The following DNAH8 variants were observed in gnomAD, a reference collection of about 807,000 sequenced individuals.
DNAH8 encodes axonemal beta dynein heavy chain 8.
DNAH8 carries 382 observed loss-of-function variants against 562.1 expected under a neutral mutation model. The ratio of observed to expected loss-of-function variants is 0.68; its 90% CI spans 0.63 to 0.74. The LOEUF (loss-of-function observed/expected upper bound fraction) is 0.74. Ranked by LOEUF, DNAH8 falls within the 30% of genes least tolerant of loss-of-function variation. The pLI is 0.00. For synonymous variants in DNAH8, 1,881 were observed against 1,919.4 expected, an observed-to-expected ratio of 0.98 and a Z score of 0.52; for missense variants, 5,203 against 5,620.4, an observed-to-expected ratio of 0.93 and a Z score of 2.37.
intron 4 of DNAH8, among the ~76,000 whole-genome samples, chr6:38,734,023 C>T (rs1763875631): frequency 6.6e-6 from 1 of 151,684 alleles, no homozygotes; most frequent in African/African-American, 2.4e-5. Context: ...GTGGCTCACA[C>T]CTGTAATCCC....
At chr6:38,716,150 A>G (rs1762326654) in intron 1 of DNAH8, among the ~76,000 whole-genome samples, 1 of 149,940 alleles carries the variant, frequency 6.7e-6, no homozygotes, top group South Asian at 2.1e-4. Context: ...TTCAGTGGAG[A>G]CGGGGTTTCA....
chr6:38,924,108 A>G lies in DNAH8; in HGVS notation c.10908A>G (p.Lys3636=). ...DQWEMELRAR[K]IPFTENLNLI... ...GGGAAATGGAGTTGAGAGCACGGAAAATTCCTTTCACAGAAAACCTGAATC... is the reference window on the plus strand; with the variant it reads ...GGGAAATGGAGTTGAGAGCACGGAAGATTCCTTTCACAGAAAACCTGAATC... Residue 3636 remains lysine, a synonymous_variant, in exon 73 of 93, where the codon AAA becomes AAG. Transcript: ENST00000327475. The G allele has an allele frequency of 6.2e-7, 1 of 1,613,986 alleles. No individual in the cohort carries two copies.
chr6:38,759,211 G>A lies in DNAH8; in HGVS notation c.1516-2491G>A, dbSNP rs191869309. 3.3e-3 allele frequency among the ~76,000 whole-genome samples: 508 copies of A among 152,170 alleles called. 2 individuals are homozygous for A. Among genetic ancestry groups the A allele is most frequent in the African/African-American group, 0.011 (466 of 41,524 alleles). On this transcript the variant is annotated intron_variant, in intron 10 of 92. Coordinates refer to ENST00000327475, the MANE Select transcript of DNAH8 (RefSeq NM_001206927.2). ...TAGTCCTAGCTATTCCAGAGGCTGA[G>A]GCAGGAGGATCCCTTGAGCCTGGGA...
intron 66 of DNAH8, among the ~76,000 whole-genome samples, chr6:38,911,817 C>T (rs944358854): frequency 6.6e-5 from 10 of 152,208 alleles, no homozygotes; most frequent in Non-Finnish European, 1.5e-4. Context: ...TCTCCTGGCT[C>T]TTTCAACTCT....
rs10709081 is a variant in DNAH8, at chr6:38,790,015, GT to G, written c.2664+144del. 165,957 of 548,612 alleles carry G rather than the reference GT, an allele frequency of 0.3. 10,211 individuals carry two copies. Among genetic ancestry groups the G allele is most frequent in the South Asian group, 0.33 (11,142 of 33,624 alleles). The allele number at this position is 548,612 out of a possible 1,614,324, so 34.0% of individuals were successfully genotyped here. On this transcript the variant is annotated intron_variant, in intron 19 of 92. Transcript: ENST00000327475. ...CTTTCTAGTTCAATTTTATAGCTCT[GT>G]TTTTTTTTTTTCTGCAGAATTTCTT...
intron 8 of DNAH8, among the ~76,000 whole-genome samples, chr6:38,744,932 A>C (rs1309348443): frequency 6.6e-6 from 1 of 152,010 alleles, no homozygotes; most frequent in Non-Finnish European, 1.5e-5. Flanking sequence ...GATATTAATC[A>C]CTCGTTATAT....
At chr6:38,834,711 GTT>G in intron 32 of DNAH8, 70 bp downstream of exon 32, 1 of 1,244,370 alleles carries the variant, frequency 8.0e-7, no homozygotes, top group Non-Finnish European at 1.2e-6. Flanking sequence ...AAAGATGGAG[GTT>G]TTACTTTTTA....
intron 57 of DNAH8, among the ~76,000 whole-genome samples, chr6:38,887,765 G>A (rs1256608627): frequency 6.6e-6 from 1 of 150,794 alleles, no homozygotes; most frequent in Non-Finnish European, 1.5e-5. Context: ...ACGAGAAACA[G>A]ACCCTTGCAT....
chr6:38,946,624 C>T (rs928735908), intron 80 of DNAH8, among the ~76,000 whole-genome samples: 1 of 152,202 alleles, frequency 6.6e-6, no homozygotes, highest in African/African-American at 2.4e-5. Flanking sequence ...GCCTGACCAA[C>T]ATAGTGAAAC....
At chr6:38,962,435 A>G (rs550711101) in intron 82 of DNAH8, among the ~76,000 whole-genome samples, 6 of 152,288 alleles carry the variant, frequency 3.9e-5, no homozygotes, top group African/African-American at 1.4e-4. Flanking sequence ...CATTACAAAC[A>G]TTGATAAATA....
At chr6:38,816,953 A>G (rs992590694) in intron 26 of DNAH8, among the ~76,000 whole-genome samples, 1 of 152,054 alleles carries the variant, frequency 6.6e-6, no homozygotes, top group African/African-American at 2.4e-5. Flanking sequence ...GGTCTCTTCA[A>G]CTGGTCTCTT....
chr6:38,755,886 A>T lies in DNAH8; in HGVS notation c.1408-86A>T, dbSNP rs145171738. The T allele has an allele frequency of 8.0e-5, 64 of 796,376 alleles. No homozygotes were observed. The South Asian group carries it at 8.4e-4, about 10-fold the overall frequency. 49.3% of individuals were successfully genotyped at this position (796,376 alleles called of 1,614,324 possible). ...CTAAAAATGCTATACTATTTTGTGT[A>T]CCTTTAGAGTTTTGAGTATTATAGA... On this transcript the variant is annotated intron_variant, in intron 9 of 92. Coordinates refer to ENST00000327475, the MANE Select transcript of DNAH8 (RefSeq NM_001206927.2).
At chr6:38,833,705 C>T (rs1467185348) in intron 31 of DNAH8, among the ~76,000 whole-genome samples, 2 of 152,166 alleles carry the variant, frequency 1.3e-5, no homozygotes, top group Non-Finnish European at 2.9e-5. Flanking sequence ...CTTCTGTGCT[C>T]ACTCTGTAAA....
chr6:38,973,835 C>G lies in DNAH8; in HGVS notation c.12678+22C>G, dbSNP rs4711567. On this transcript the variant is annotated intron_variant, in intron 84 of 92. Transcript: ENST00000327475. ...TCAGGTTTGTTACTAAACGTCTTTT[C>G]ATCGAGAGTCATAGTAATAAAGATG... 0.095 allele frequency: 148,200 copies of G among 1,565,100 alleles called. 7,415 individuals are homozygous for G. The highest frequency in any genetic ancestry group is 0.12 in the Middle Eastern group (688 of 5,862).
chr6:38,886,345 A>G (rs1214311861), intron 56 of DNAH8, among the ~76,000 whole-genome samples: 1 of 152,188 alleles, frequency 6.6e-6, no homozygotes, highest in Non-Finnish European at 1.5e-5. Flanking sequence ...AGAAGATAAG[A>G]TGAGAACATA....
intron 88 of DNAH8, among the ~76,000 whole-genome samples, chr6:38,994,889 C>T (rs1223130261): frequency 6.6e-6 from 1 of 152,096 alleles, no homozygotes; most frequent in African/African-American, 2.4e-5. Flanking sequence ...CGTGATCCGC[C>T]AGCCTTGGCC....
chr6:38,887,069 A>G (rs1041699713), intron 57 of DNAH8, 65 bp downstream of exon 57: 6 of 1,205,096 alleles, frequency 5.0e-6, no homozygotes, highest in Non-Finnish European at 6.0e-6. Context: ...ACAAAATTTC[A>G]TTTAAGAGAC....
chr6:39,030,180 AC>A lies in DNAH8; in HGVS notation c.13917del (p.Lys4640ArgfsTer39). ...DRRNGKLMES[T>X]PKVLFTQLPV... ...ACGGAATGGGAAGCTCATGGAATCC[AC>A]CCCCAAGGTACTCTTCACGCAGTTA... On this transcript the variant is annotated frameshift_variant, in exon 93 of 93. Transcript: ENST00000327475. LOFTEE classifies it high-confidence loss of function. 1 of 1,613,838 alleles carries A rather than the reference AC, an allele frequency of 6.2e-7. No individual in the cohort carries two copies. The highest frequency in any genetic ancestry group is 1.6e-4 in the Middle Eastern group (1 of 6,062).
Position 39,008,980 on chromosome 6 carries a change from G to C in DNAH8, c.13371+10G>C, listed in dbSNP as rs766324900. ...TTACATTCCTCATGAGGTAAGTCTT[G>C]CTGGTTTCCCACTGGCATACAGGGC... On this transcript the variant is annotated intron_variant, in intron 89 of 92. Coordinates refer to ENST00000327475, the MANE Select transcript of DNAH8 (RefSeq NM_001206927.2). 6.3e-7 allele frequency: 1 copy of C among 1,593,364 alleles called. No homozygotes were observed.
Sources: allele counts gnomAD v4.1 joint callset (sites outside exome capture counted in the v4.1 genomes callset), GRCh38; gene constraint gnomAD v4.1.1; transcripts MANE v1.5; gene names NCBI Gene and HGNC (gene_info 2026-07-23, HGNC 2026-07-21).